The following CAPSL variants were observed in gnomAD, a reference collection of about 807,000 sequenced individuals.
The protein encoded by CAPSL is calcyphosine like, also known as calcyphosin-like protein.
In CAPSL, 17 loss-of-function variants were observed where a neutral mutation model predicts 21.3. That is an observed-to-expected ratio of 0.80 (90% CI 0.55 to 1.20). CAPSL has a LOEUF of 1.20. Ranked by LOEUF, CAPSL falls within the 50% of genes most tolerant of loss-of-function variation. The pLI, the probability that CAPSL is intolerant of heterozygous loss-of-function variation, is 0.00. For missense variants in CAPSL, 289 were observed against 259.3 expected (o/e 1.11, Z -0.79); for synonymous variants, 102 against 89.3 (o/e 1.14, Z -0.80).
intron 4 of CAPSL, among the ~76,000 whole-genome samples, chr5:35,908,082 A>G (rs1738076486): frequency 6.6e-6 from 1 of 152,222 alleles, no homozygotes; most frequent in African/African-American, 2.4e-5. Context: ...ATTCATTATT[A>G]TGCTAAATGG....
intron 1 of CAPSL, among the ~76,000 whole-genome samples, chr5:35,926,717 A>T (rs1738695130): frequency 6.6e-6 from 1 of 152,120 alleles, no homozygotes; most frequent in South Asian, 2.1e-4. Flanking sequence ...CTACCTGCAA[A>T]CACAGAAGGG....
intron 2 of CAPSL, among the ~76,000 whole-genome samples, chr5:35,912,338 T>C (rs1738249083): frequency 6.6e-6 from 1 of 152,344 alleles, no homozygotes; most frequent in South Asian, 2.1e-4. Context: ...TAAATGTCCC[T>C]GTCTGACAAC....
intron 4 of CAPSL, among the ~76,000 whole-genome samples, chr5:35,907,921 T>G (rs1175848146): frequency 6.6e-6 from 1 of 152,174 alleles, no homozygotes; most frequent in Non-Finnish European, 1.5e-5. Flanking sequence ...CAACAACAAT[T>G]TCTTGTGCAT....
At chr5:35,930,586 T>C (rs919562471) in intron 1 of CAPSL, among the ~76,000 whole-genome samples, 4 of 152,320 alleles carry the variant, frequency 2.6e-5, no homozygotes, top group African/African-American at 9.6e-5. Context: ...TGGTGCACCC[T>C]AAACACCTAC....
chr5:35,936,074 G>A (rs57001206), intron 1 of CAPSL, among the ~76,000 whole-genome samples: 1 of 152,142 alleles, frequency 6.6e-6, no homozygotes, highest in Admixed American at 6.5e-5. Context: ...AGTCTCCTCA[G>A]AGGCTAATCC....
chr5:35,911,157 A>G (rs896131125), intron 2 of CAPSL, among the ~76,000 whole-genome samples: 2 of 152,248 alleles, frequency 1.3e-5, no homozygotes, highest in African/African-American at 4.8e-5. Context: ...GAAGAAAATG[A>G]CAAATTTCTC....
rs1464685518 is a variant in CAPSL at position 35,904,482 on chromosome 5, A to G, written c.*63T>C. 2 of 1,190,282 alleles carry G rather than the reference A, an allele frequency of 1.7e-6. No individual in the cohort carries two copies. The highest frequency in any genetic ancestry group is 2.5e-6 in the Non-Finnish European group (2 of 813,536). 73.7% of individuals were successfully genotyped at this position (1,190,282 alleles called of 1,614,324 possible). On this transcript the variant is annotated 3_prime_UTR_variant, in exon 5 of 5. Coordinates refer to ENST00000651391, the MANE Select transcript of CAPSL (RefSeq NM_001042625.2). ...AAATCAAATACGATTCTGGTTTTTG[A>G]GCTGACATTTAGTCATTTGGAGCCA...
intron 3 of CAPSL, 95 bp from the exon 4 acceptor site, chr5:35,910,170 G>A (rs1026329917): frequency 2.5e-6 from 3 of 1,182,412 alleles, no homozygotes; most frequent in Non-Finnish European, 2.4e-6. Context: ...CCTCAACGAT[G>A]TGAAATAATA....
At chr5:35,931,771 AAAAG>A (rs1738832650) in intron 1 of CAPSL, among the ~76,000 whole-genome samples, 1 of 152,256 alleles carries the variant, frequency 6.6e-6, no homozygotes, top group South Asian at 2.1e-4. Context: ...AAACCAAGAC[AAAAG>A]AAAAGTAAAA....
chr5:35,925,760 GTCT>G (rs201904154), intron 1 of CAPSL, among the ~76,000 whole-genome samples: 1,794 of 152,272 alleles, frequency 0.012, 37 homozygotes, highest in African/African-American at 0.041. Context: ...AAGGGAAAAA[GTCT>G]TCTTAAAAAA....
rs568162790 is a variant in CAPSL, at chr5:35,910,319, C to T, written c.315+47G>A. ...ACCTCAAGGTAGCCAACCCAAACCA[C>T]GTGAAAGCCAAACTCAGCAGATACA... On this transcript the variant is annotated intron_variant, in intron 3 of 4. Transcript: ENST00000651391. 1.5e-5 allele frequency: 23 copies of T among 1,583,300 alleles called. No individual in the cohort carries two copies. The Middle Eastern group carries it at 6.8e-4, about 46-fold the overall frequency.
intron 1 of CAPSL, among the ~76,000 whole-genome samples, chr5:35,931,566 C>T (rs1738825538): frequency 6.6e-6 from 1 of 152,134 alleles, no homozygotes; most frequent in Non-Finnish European, 1.5e-5. Context: ...TTGCTGTCTT[C>T]TCCATCTTGC....
At chr5:35,921,707 T>C (rs1453245075) in intron 1 of CAPSL, among the ~76,000 whole-genome samples, 4 of 152,150 alleles carry the variant, frequency 2.6e-5, no homozygotes, top group Non-Finnish European at 5.9e-5. Flanking sequence ...GTACAAACTC[T>C]TGTAGCCACA....
At chr5:35,920,853 A>T in intron 2 of CAPSL, 131 bp downstream of exon 2, 1 of 944,308 alleles carries the variant, frequency 1.1e-6, no homozygotes, top group Non-Finnish European at 1.6e-6. Flanking sequence ...TCTAAACTCT[A>T]CATTTTACAA....
At chr5:35,927,444 T>C (rs1258232021) in intron 1 of CAPSL, among the ~76,000 whole-genome samples, 1 of 152,174 alleles carries the variant, frequency 6.6e-6, no homozygotes, top group East Asian at 1.9e-4. Flanking sequence ...AACATTTTAC[T>C]ATGGGGAGAG....
chr5:35,933,221 C>G (rs907169775), intron 1 of CAPSL, among the ~76,000 whole-genome samples: 2 of 152,164 alleles, frequency 1.3e-5, no homozygotes, highest in Non-Finnish European at 2.9e-5. Context: ...GTCCCATGTT[C>G]TCTGCTAAAA....
At position 35,938,527 on chromosome 5, in the gene CAPSL, A is replaced by C. The variant is rs1739013340; in HGVS notation, c.-1+14T>G. ...AAACATTAAATCATAGAATAGATAAAAACATTGATTTACCTTAAATGCTAA... is the reference window on the plus strand; with the variant it reads ...AAACATTAAATCATAGAATAGATAACAACATTGATTTACCTTAAATGCTAA... On this transcript the variant is annotated intron_variant, in intron 1 of 4. Coordinates refer to ENST00000651391, the MANE Select transcript of CAPSL (RefSeq NM_001042625.2). 6.5e-6 allele frequency: 1 copy of C among 152,934 alleles called. No homozygotes were observed. Among genetic ancestry groups the C allele is most frequent in the Admixed American group, 6.6e-5 (1 of 15,266 alleles). 9.5% of individuals were successfully genotyped at this position (152,934 alleles called of 1,614,324 possible).
chr5:35,914,764 T>A (rs1301874259), intron 2 of CAPSL, among the ~76,000 whole-genome samples: 1 of 151,990 alleles, frequency 6.6e-6, no homozygotes, highest in Admixed American at 6.6e-5. Flanking sequence ...GCAGGAAAGA[T>A]CTAAAATTGA....
chr5:35,910,959 A>G (rs894632897), intron 2 of CAPSL, among the ~76,000 whole-genome samples: 3 of 152,264 alleles, frequency 2.0e-5, no homozygotes, highest in African/African-American at 4.8e-5. Context: ...TTTTAAAAAA[A>G]TGATTTAGGA....
Sources: allele counts gnomAD v4.1 joint callset (sites outside exome capture counted in the v4.1 genomes callset), GRCh38; gene constraint gnomAD v4.1.1; transcripts MANE v1.5; gene names NCBI Gene and HGNC (gene_info 2026-07-23, HGNC 2026-07-21).